The following KIF3A variants were observed in gnomAD, a reference collection of about 807,000 sequenced individuals.
KIF3A encodes kinesin family member 3A, also known as kinesin-like protein KIF3A.
KIF3A carries 27 observed loss-of-function variants against 92.6 expected under a neutral mutation model. The observed-to-expected ratio is 0.29, with a 90% CI of 0.21 to 0.40. KIF3A has a LOEUF of 0.40. Among genes scored for constraint, KIF3A ranks in the 10% least tolerant of loss-of-function variants. The probability of loss-of-function intolerance (pLI) is 1.00; values close to 1 mark genes in which losing one functional copy is unlikely to be tolerated. For synonymous variants in KIF3A, 250 were observed against 275.4 expected (o/e 0.91, Z 0.92); for missense variants, 581 against 872.6 (o/e 0.67, Z 4.21).
At chr5:132,704,472 T>C (rs1554105445) in intron 11 of KIF3A, among the ~76,000 whole-genome samples, 1 of 151,996 alleles carries the variant, frequency 6.6e-6, no homozygotes, top group Non-Finnish European at 1.5e-5. Context: ...TAATAATGTC[T>C]AATAAAGTAT....
chr5:132,726,285 A>ATTATAAAATATG, intron 3 of KIF3A, 69 bp downstream of exon 3: 2 of 1,572,020 alleles, frequency 1.3e-6, no homozygotes, highest in Non-Finnish European at 1.7e-6. Context: ...TGTTTATAAA[A>ATTATAAAATATG]TTTATACCTA....
At chr5:132,715,674 T>C (rs967800718) in intron 8 of KIF3A, 83 bp downstream of exon 8, 16 of 1,026,772 alleles carry the variant, frequency 1.6e-5, no homozygotes, top group Non-Finnish European at 2.0e-5. Context: ...AAAGGTTTAA[T>C]AGAGGGCTTT....
chr5:132,730,445 C>A (rs538752150), intron 2 of KIF3A, among the ~76,000 whole-genome samples: 2 of 140,304 alleles, frequency 1.4e-5, no homozygotes, highest in African/African-American at 5.4e-5. Flanking sequence ...CCAGCCTGGG[C>A]AACAGAGCAA....
At chr5:132,691,647 A>G (rs1752667063), downstream of KIF3A, among the ~76,000 whole-genome samples, 1 of 152,070 alleles carries the variant, frequency 6.6e-6, no homozygotes, top group Non-Finnish European at 1.5e-5. Context: ...TCAGGCCTGT[A>G]ATCCCAGCAC....
chr5:132,734,344 A>C lies in KIF3A; in HGVS notation c.141T>G (p.Thr47=). ...VSVDEMRGTI[T]VHKTDSSNEP... ...CATTGGAAGAATCAGTCTTATGTAC[A>C]GTGATAGTTCCCCTCATCTCATCCA... is the stretch of plus-strand genomic sequence containing the variant. Residue 47 remains threonine, a synonymous_variant, in exon 2 of 19, where the codon ACT becomes ACG. Coordinates refer to ENST00000403231, the MANE Select transcript of KIF3A (RefSeq NM_001300791.2). 6.2e-7 allele frequency: 1 copy of C among 1,614,180 alleles called. No individual in the cohort carries two copies. Among genetic ancestry groups the C allele is most frequent in the South Asian group, 1.1e-5 (1 of 91,078 alleles).
At chr5:132,716,493 A>G in intron 6 of KIF3A, 51 bp from the exon 7 acceptor site, 2 of 1,431,900 alleles carry the variant, frequency 1.4e-6, no homozygotes, top group Non-Finnish European at 1.9e-6. Context: ...TAAAAATAGA[A>G]TATTCTTCCC....
chr5:132,716,836 G>C lies in KIF3A; in HGVS notation c.756+9C>G, dbSNP rs1053039391. ...AGAGTTATTCCTTAAGCAGTGTCCT[G>C]TTACTTACAGCAAGATCTACAAGAT... On this transcript the variant is annotated intron_variant, in intron 6 of 18. Transcript: ENST00000403231. 9.3e-6 allele frequency: 15 copies of C among 1,613,134 alleles called. No individual in the cohort carries two copies.
downstream of KIF3A, among the ~76,000 whole-genome samples, chr5:132,690,816 AC>A (rs980720573): frequency 2.7e-5 from 4 of 147,404 alleles, no homozygotes; most frequent in Non-Finnish European, 5.9e-5. Flanking sequence ...AGTCCCAGCT[AC>A]TCGGGAGGCT....
At chr5:132,701,105 AG>A (rs1317272044) in intron 15 of KIF3A, among the ~76,000 whole-genome samples, 1 of 150,768 alleles carries the variant, frequency 6.6e-6, no homozygotes, top group African/African-American at 2.4e-5. Flanking sequence ...CCATGAACCC[AG>A]GACTAATTCC....
intron 2 of KIF3A, among the ~76,000 whole-genome samples, chr5:132,733,557 T>C (rs930340509): frequency 2.6e-5 from 4 of 152,194 alleles, no homozygotes; most frequent in Non-Finnish European, 5.9e-5. Context: ...TGCTTGAGCC[T>C]AGGAGTTCAA....
At chr5:132,699,516 A>G in intron 17 of KIF3A, 1 of 603,410 alleles carries the variant, frequency 1.7e-6, no homozygotes, top group East Asian at 3.6e-5. Flanking sequence ...CCTTGGACAT[A>G]AAAACTGTTG....
intron 14 of KIF3A, 77 bp from the exon 15 acceptor site, chr5:132,702,289 T>C: frequency 6.9e-7 from 1 of 1,441,644 alleles, no homozygotes; most frequent in Non-Finnish European, 9.6e-7. Flanking sequence ...CATAGGATGC[T>C]TGTCTAAGAA....
At chr5:132,689,937 A>G (rs1490516065), downstream of KIF3A, 1 of 152,234 alleles carries the variant, frequency 6.6e-6, no homozygotes, top group East Asian at 1.9e-4. Context: ...AAGCCACTTG[A>G]CGCCAGGTGC....
chr5:132,729,552 A>T (rs1165266172), intron 2 of KIF3A, among the ~76,000 whole-genome samples: 3 of 152,260 alleles, frequency 2.0e-5, no homozygotes, highest in Admixed American at 1.3e-4. Flanking sequence ...GCCATAAAAA[A>T]TATGTTCTCT....
chr5:132,711,565 C>G (rs1338090330), intron 8 of KIF3A, among the ~76,000 whole-genome samples: 1 of 151,370 alleles, frequency 6.6e-6, no homozygotes, highest in Non-Finnish European at 1.5e-5. Flanking sequence ...GTACTCCAGC[C>G]TCAACAACAG....
At chr5:132,724,804 AAAATATATATATATATATATATATAT>A (rs1381441717) in intron 4 of KIF3A, among the ~76,000 whole-genome samples, 1 of 20,524 alleles carries the variant, frequency 4.9e-5, no homozygotes, top group Non-Finnish European at 1.0e-4. Flanking sequence ...AAAAAAAAAA[AAAATATATATATATATATATATATAT>A]ATATATATAT....
rs919170903 is a variant in KIF3A, at chr5:132,717,063, A to C, written c.617-79T>G. On this transcript the variant is annotated intron_variant, in intron 5 of 18. Transcript: ENST00000403231. ...ATAATTAAACATCCTGAACAGTTTA[A>C]AACACTTAATTTTATCACAATCAAA... The C allele has an allele frequency of 3.9e-5, 54 of 1,379,706 alleles. 1 individual carries two copies. The Middle Eastern group carries it at 1.4e-3, about 36-fold the overall frequency. 85.5% of individuals were successfully genotyped at this position (1,379,706 alleles called of 1,614,324 possible). A position where few individuals can be genotyped will look rare whatever the true frequency, so the allele number is the denominator to read the frequency against.
Position 132,699,163 on chromosome 5 carries a change from G to A in KIF3A, c.2132+8C>T. 6.2e-7 allele frequency: 1 copy of A among 1,613,700 alleles called. No individual in the cohort carries two copies. Among genetic ancestry groups the A allele is most frequent in the South Asian group, 1.1e-5 (1 of 91,058 alleles). ...CTTCGTTTTACCAGATTCAAGGACA[G>A]TCCTTACCTTCTCCCTGTCTTTGGC... On this transcript the variant is annotated splice_region_variant and intron_variant, in intron 18 of 18. Transcript: ENST00000403231.
chr5:132,734,904 C>T (rs188649331), intron 1 of KIF3A, among the ~76,000 whole-genome samples: 4 of 152,218 alleles, frequency 2.6e-5, no homozygotes, highest in Middle Eastern at 3.4e-3. Flanking sequence ...TTTCCTATCA[C>T]GCATCTGTAA....
Sources: allele counts gnomAD v4.1 joint callset (sites outside exome capture counted in the v4.1 genomes callset), GRCh38; gene constraint gnomAD v4.1.1; transcripts MANE v1.5; gene names NCBI Gene and HGNC (gene_info 2026-07-23, HGNC 2026-07-21).